The following TAPBPL variants were observed in gnomAD, a reference collection of about 807,000 sequenced individuals.
TAPBPL encodes the protein tapasin-related protein.
Under a neutral mutation model 44.8 loss-of-function variants are expected in TAPBPL, and 32 were observed. That is an observed-to-expected ratio of 0.71 (90% CI 0.54 to 0.96). The LOEUF is 0.96. Ranked by LOEUF, TAPBPL falls within the 40% of genes least tolerant of loss-of-function variation. The pLI, the probability that TAPBPL is intolerant of heterozygous loss-of-function variation, is 0.00. For synonymous variants in TAPBPL, 230 were observed against 240.7 expected, an observed-to-expected ratio of 0.96 and a Z score of 0.41; for missense variants, 520 against 586.6, an observed-to-expected ratio of 0.89 and a Z score of 1.17.
intron 5 of TAPBPL, among the ~76,000 whole-genome samples, 163 bp from the exon 6 acceptor site, chr12:6,460,692 G>A (rs576302745): frequency 1.3e-3 from 196 of 152,338 alleles, no homozygotes; most frequent in African/African-American, 4.5e-3. Flanking sequence ...CAGCAACCTT[G>A]AATAAGAACA....
chr12:6,467,931 C>A (rs1457162142), downstream of TAPBPL, among the ~76,000 whole-genome samples: 1 of 152,012 alleles, frequency 6.6e-6, no homozygotes, highest in Non-Finnish European at 1.5e-5. Context: ...AAGGCAAGAA[C>A]TGAGGTTCGG....
intron 3 of TAPBPL, among the ~76,000 whole-genome samples, chr12:6,455,362 T>A (rs1162291564): frequency 6.6e-6 from 1 of 152,250 alleles, no homozygotes. Flanking sequence ...AAAGCCATCA[T>A]GTCAGAAACA....
intron 6 of TAPBPL, chr12:6,461,265 C>G: frequency 1.7e-6 from 2 of 1,178,668 alleles, no homozygotes; most frequent in Non-Finnish European, 2.1e-6. Flanking sequence ...GGGCCTGGCT[C>G]TGCAGAGGCC....
intron 3 of TAPBPL, among the ~76,000 whole-genome samples, chr12:6,456,705 T>C (rs144100949): frequency 0.023 from 3,476 of 152,034 alleles, 77 homozygotes; most frequent in Non-Finnish European, 0.038. Flanking sequence ...CAGACTGGAG[T>C]GCAATGGCGC....
downstream of TAPBPL, chr12:6,462,573 G>A: frequency 1.8e-6 from 1 of 562,010 alleles, no homozygotes. Flanking sequence ...GAGAAAGAAA[G>A]TAGAAGGGCT....
At chr12:6,465,466 AGTGTGTGT>A (rs72418260), downstream of TAPBPL, 2 of 103,190 alleles carry the variant, frequency 1.9e-5, no homozygotes, top group South Asian at 2.6e-4. Flanking sequence ...GTGTATATAT[AGTGTGTGT>A]GTGTGTGTGT....
At chr12:6,465,222 A>T, downstream of TAPBPL, 1 of 481,716 alleles carries the variant, frequency 2.1e-6, no homozygotes, top group Non-Finnish European at 3.9e-6. Flanking sequence ...GCATTCCAAT[A>T]GAGATACAGA....
downstream of TAPBPL, chr12:6,465,366 A>ATATACATG (rs1299804795): frequency 2.1e-5 from 3 of 142,832 alleles, no homozygotes; most frequent in Non-Finnish European, 4.2e-5. Context: ...AAGTATATAT[A>ATATACATG]TATATAAATG....
At chr12:6,468,647 G>T (rs192085667), downstream of TAPBPL, among the ~76,000 whole-genome samples, 31 of 152,272 alleles carry the variant, frequency 2.0e-4, no homozygotes, top group South Asian at 1.7e-3. Flanking sequence ...GAGAGATCTT[G>T]GTTTACTGTA....
At position 6,453,279 on chromosome 12, in the gene TAPBPL, A is replaced by G; in HGVS notation, c.277A>G (p.Ile93Val). 6.2e-7 allele frequency: 1 copy of G among 1,613,878 alleles called. No homozygotes were observed. The highest frequency in any genetic ancestry group is 2.2e-5 in the East Asian group (1 of 44,876). The part of the protein sequence containing the change: ...GGTLAQDDPP[I>V]IFEASVDLVQ... The stretch of plus-strand genomic sequence containing the variant: ...CACACTGGCCCAAGATGACCCACCT[A>G]TTATCTTTGAGGCCTCAGGTAAAAG... Residue 93 changes from isoleucine (I) to valine (V), a missense_variant, in exon 2 of 7, where the codon ATT becomes GTT. Ile to Val is a conservative substitution (Grantham distance 29). Transcript: ENST00000266556. This position sits in a 1 kb window ranked among gnomAD's most constrained non-coding sequence, Gnocchi z 4.8.
chr12:6,452,850 C>CT (rs1191440258), intron 1 of TAPBPL, among the ~76,000 whole-genome samples: 2 of 152,242 alleles, frequency 1.3e-5, no homozygotes, highest in Non-Finnish European at 2.9e-5. Flanking sequence ...AAATCCAGGA[C>CT]TTTAACTCTC....
chr12:6,465,615 G>A (rs1950003635), downstream of TAPBPL, among the ~76,000 whole-genome samples: 1 of 151,454 alleles, frequency 6.6e-6, no homozygotes, highest in Non-Finnish European at 1.5e-5. Flanking sequence ...AACTCCTCAG[G>A]GTATCACTTT....
intron 5 of TAPBPL, 131 bp from the exon 6 acceptor site, chr12:6,460,724 C>T (rs1484159324): frequency 1.3e-6 from 1 of 787,650 alleles, no homozygotes; most frequent in Middle Eastern, 2.4e-4. Flanking sequence ...GTGCCTTGTT[C>T]CAGGCTCCTC....
downstream of TAPBPL, chr12:6,465,999 A>G (rs751834561): frequency 6.2e-7 from 1 of 1,614,184 alleles, no homozygotes; most frequent in East Asian, 2.2e-5. Flanking sequence ...GATGTCCACC[A>G]CCTGAGGAGG....
Position 6,452,317 on chromosome 12 carries a change from G to C in TAPBPL, c.64+5G>C. 1 of 1,571,774 alleles carries C rather than the reference G, an allele frequency of 6.4e-7. No individual in the cohort carries two copies. Among genetic ancestry groups the C allele is most frequent in the Non-Finnish European group, 8.6e-7 (1 of 1,158,646 alleles). On this transcript the variant is annotated splice_donor_5th_base_variant and intron_variant, in intron 1 of 6. Coordinates refer to ENST00000266556, the MANE Select transcript of TAPBPL (RefSeq NM_018009.5). ...TATCTGGAGCAGCAGAAACCAGTGA[G>C]TCTGGGAGTCGGGGAGAGCTGGCTG...
downstream of TAPBPL, chr12:6,464,119 A>G (rs1321831967): frequency 1.5e-6 from 2 of 1,342,658 alleles, no homozygotes; most frequent in Non-Finnish European, 2.0e-6. Context: ...TTCTCCTCCC[A>G]AGTCTGGGCA....
chr12:6,457,809 A>T (rs1238459798), intron 4 of TAPBPL, 65 bp downstream of exon 4: 1 of 1,439,478 alleles, frequency 6.9e-7, no homozygotes, highest in African/African-American at 1.4e-5. Context: ...GCGTTTCCAG[A>T]TTGGGACCCA....
intron 3 of TAPBPL, among the ~76,000 whole-genome samples, chr12:6,456,883 C>T (rs1316318782): frequency 6.6e-6 from 1 of 152,180 alleles, no homozygotes; most frequent in African/African-American, 2.4e-5. Context: ...AAACTCCTGA[C>T]CTCAGGTGAT....
downstream of TAPBPL, chr12:6,465,175 T>C: frequency 1.8e-6 from 1 of 552,728 alleles, no homozygotes; most frequent in Non-Finnish European, 3.2e-6. Context: ...ATTGAGCTCC[T>C]TTTTGCTTAG....
Sources: gnomAD v4.1 joint callset for allele counts (sites outside exome capture counted in the v4.1 genomes callset) on GRCh38, gnomAD v4.1.1 for gene constraint, Gnocchi (gnomAD v3.1) non-coding constraint, MANE v1.5 for transcripts, NCBI Gene and HGNC (gene_info 2026-07-23, HGNC 2026-07-21) for gene names.